ATRNL1: variants seen among roughly 807,000 people sequenced by gnomAD.
The protein encoded by ATRNL1 is attractin like 1.
A neutral mutation model predicts 182.7 loss-of-function variants in ATRNL1; 95 were observed. The ratio of observed to expected loss-of-function variants is 0.52; its 90% CI spans 0.44 to 0.62. The LOEUF (loss-of-function observed/expected upper bound fraction) is 0.62, where lower values mean the gene tolerates loss of function less well. Among genes scored for constraint, ATRNL1 ranks in the 20% least tolerant of loss-of-function variants. The probability of loss-of-function intolerance (pLI) is 0.00; values close to 1 mark genes in which losing one functional copy is unlikely to be tolerated. For missense variants in ATRNL1, 1,471 were observed against 1,679.5 expected (o/e 0.88, Z 2.17); for synonymous variants, 576 against 568.3 (o/e 1.01, Z -0.19).
chr10:115,446,623 G>C (rs140864674), intron 21 of ATRNL1, among the ~76,000 whole-genome samples: 16 of 151,916 alleles, frequency 1.1e-4, no homozygotes, highest in African/African-American at 3.9e-4. Context: ...AATAATGTAA[G>C]AAAAGCAAAA....
chr10:115,569,331 G>T (rs1555002770), intron 26 of ATRNL1, among the ~76,000 whole-genome samples: 1 of 152,032 alleles, frequency 6.6e-6, no homozygotes, highest in African/African-American at 2.4e-5. Context: ...TTTGTACATT[G>T]TTCATTTTGT....
chr10:115,352,278 A>G (rs1592504372), intron 19 of ATRNL1, among the ~76,000 whole-genome samples: 1 of 151,244 alleles, frequency 6.6e-6, no homozygotes. Flanking sequence ...GATCTTTTAT[A>G]TATATTTTTT....
chr10:115,283,864 A>G lies in ATRNL1; in HGVS notation c.2234-2352A>G, dbSNP rs1852485854. ...CCTAGGAAAAAAATGTTGCTTTGTT[A>G]TAAAGGCTCCACTTGACCAGGCTAT... On this transcript the variant is annotated intron_variant, in intron 14 of 28. Coordinates refer to ENST00000355044, the MANE Select transcript of ATRNL1 (RefSeq NM_207303.4). Among the ~76,000 whole-genome samples, 10 of 152,314 alleles carry G rather than the reference A, an allele frequency of 6.6e-5. No individual in the cohort carries two copies. In the South Asian group the frequency reaches 2.1e-3, roughly 32 times the overall value.
chr10:115,138,703 CTGGGCCTGTGATGGGAGGCGA>C (rs1845628007), intron 5 of ATRNL1, among the ~76,000 whole-genome samples: 2 of 152,198 alleles, frequency 1.3e-5, no homozygotes. Context: ...TCATAGGCCT[CTGGGCCTGTGATGGGAGGCGA>C]TGCTGTGAAG....
At chr10:115,569,949 C>A (rs2133859663) in intron 26 of ATRNL1, among the ~76,000 whole-genome samples, 1 of 152,218 alleles carries the variant, frequency 6.6e-6, no homozygotes, top group East Asian at 1.9e-4. Flanking sequence ...TTTCCTGATT[C>A]ATAGATGGCA....
intron 26 of ATRNL1, among the ~76,000 whole-genome samples, chr10:115,664,096 C>T (rs1555038970): frequency 6.6e-6 from 1 of 152,106 alleles, no homozygotes. Context: ...TTCCTGTTCT[C>T]ATTGAGACTA....
intron 21 of ATRNL1, among the ~76,000 whole-genome samples, chr10:115,430,245 GT>G (rs1565034916): frequency 6.6e-6 from 1 of 151,946 alleles, no homozygotes; most frequent in Non-Finnish European, 1.5e-5. Flanking sequence ...TTAATTGGTA[GT>G]TATTTTATTT....
At chr10:115,232,703 G>GTA (rs782276190) in intron 9 of ATRNL1, among the ~76,000 whole-genome samples, 2 of 151,864 alleles carry the variant, frequency 1.3e-5, no homozygotes, top group African/African-American at 4.8e-5. Context: ...GTGTGTGTGT[G>GTA]TATGTGTGTG....
At chr10:115,728,122 A>G (rs1228238008) in intron 27 of ATRNL1, among the ~76,000 whole-genome samples, 1 of 68,770 alleles carries the variant, frequency 1.5e-5, no homozygotes, top group African/African-American at 4.8e-5. Flanking sequence ...AAAAAAAAAA[A>G]AAAAAGAAAA....
At chr10:115,104,586 T>C (rs1333785451) in intron 1 of ATRNL1, among the ~76,000 whole-genome samples, 3 of 152,186 alleles carry the variant, frequency 2.0e-5, no homozygotes, top group Non-Finnish European at 4.4e-5. Context: ...TGGTTGCCTG[T>C]ACTTGTGGGG....
intron 26 of ATRNL1, among the ~76,000 whole-genome samples, chr10:115,672,048 C>T (rs555909399): frequency 3.1e-4 from 47 of 152,072 alleles, no homozygotes; most frequent in African/African-American, 1.0e-3. Flanking sequence ...TTTTTGGTCA[C>T]GACCTCTAAA....
chr10:115,209,044 A>G (rs1554894401), intron 8 of ATRNL1, among the ~76,000 whole-genome samples: 1 of 151,884 alleles, frequency 6.6e-6, no homozygotes, highest in East Asian at 1.9e-4. Flanking sequence ...TAAAAAATAA[A>G]AATGACTCAA....
At chr10:115,399,657 G>A (rs892686321) in intron 20 of ATRNL1, among the ~76,000 whole-genome samples, 3 of 151,822 alleles carry the variant, frequency 2.0e-5, no homozygotes, top group Non-Finnish European at 2.9e-5. Flanking sequence ...GTGTGTGTGT[G>A]TCTTTATCTC....
At chr10:115,446,950 A>C (rs1011121301) in intron 21 of ATRNL1, among the ~76,000 whole-genome samples, 7 of 151,976 alleles carry the variant, frequency 4.6e-5, no homozygotes, top group African/African-American at 1.7e-4. Context: ...TACATATATC[A>C]TTTAAAGTGG....
intron 24 of ATRNL1, among the ~76,000 whole-genome samples, chr10:115,486,374 G>A (rs1041350351): frequency 6.6e-6 from 1 of 152,130 alleles, no homozygotes; most frequent in Non-Finnish European, 1.5e-5. Context: ...AGTGTAAAAA[G>A]TGTCCCTATT....
At chr10:115,244,304 C>T (rs1317248281) in intron 10 of ATRNL1, among the ~76,000 whole-genome samples, 5 of 152,112 alleles carry the variant, frequency 3.3e-5, no homozygotes, top group African/African-American at 1.2e-4. Flanking sequence ...AAATTTTATA[C>T]AGTCAATATC....
chr10:115,771,219 T>C (rs1555076288), intron 27 of ATRNL1, among the ~76,000 whole-genome samples: 2 of 145,412 alleles, frequency 1.4e-5, no homozygotes, highest in African/African-American at 5.3e-5. Flanking sequence ...CTAGAATTCA[T>C]AGGATTCTTA....
intron 4 of ATRNL1, among the ~76,000 whole-genome samples, chr10:115,128,813 C>G (rs1386513483): frequency 1.5e-5 from 2 of 131,922 alleles, no homozygotes; most frequent in Non-Finnish European, 3.1e-5. Flanking sequence ...GGCGACAGAG[C>G]GAGACTGTGT....
chr10:115,559,449 C>CACGT (rs1565165047), intron 26 of ATRNL1, among the ~76,000 whole-genome samples: 2 of 121,482 alleles, frequency 1.6e-5, no homozygotes, highest in African/African-American at 6.8e-5. Flanking sequence ...TGTGTGCGCG[C>CACGT]GCGCACGCAC....
Sources: allele counts gnomAD v4.1 joint callset (sites outside exome capture counted in the v4.1 genomes callset), GRCh38; gene constraint gnomAD v4.1.1; transcripts MANE v1.5; gene names NCBI Gene and HGNC (gene_info 2026-07-23, HGNC 2026-07-21).